Variants in STXBP5L observed in about 807,000 individuals in gnomAD.
STXBP5L encodes the protein syntaxin-binding protein 5-like.
In STXBP5L, 65 loss-of-function variants were observed where a neutral mutation model predicts 144.5. The ratio of observed to expected loss-of-function variants is 0.45; its 90% CI spans 0.37 to 0.55. STXBP5L has a LOEUF of 0.55. STXBP5L is among the 20% of genes least tolerant of loss of function. The probability of loss-of-function intolerance (pLI) is 0.00; values close to 1 mark genes in which losing one functional copy is unlikely to be tolerated. For synonymous variants in STXBP5L, 505 were observed against 469.6 expected (o/e 1.08, Z -0.97); for missense variants, 1,298 against 1,405.5 (o/e 0.92, Z 1.22).
chr3:120,993,261 G>A (rs536867068), intron 3 of STXBP5L, among the ~76,000 whole-genome samples: 1 of 152,160 alleles, frequency 6.6e-6, no homozygotes, highest in East Asian at 1.9e-4. Context: ...TGAACAGGTA[G>A]CCTCTTCACT....
At chr3:121,019,619 A>T (rs1340574710) in intron 3 of STXBP5L, among the ~76,000 whole-genome samples, 1 of 152,146 alleles carries the variant, frequency 6.6e-6, no homozygotes, top group African/African-American at 2.4e-5. Flanking sequence ...CTCCCCACCC[A>T]GTACCAGCCC....
chr3:121,083,174 G>A (rs1237976465), intron 5 of STXBP5L, among the ~76,000 whole-genome samples: 2 of 151,744 alleles, frequency 1.3e-5, no homozygotes, highest in Non-Finnish European at 2.9e-5. Context: ...ACTCCAGCCT[G>A]GCAACAGAGC....
intron 3 of STXBP5L, among the ~76,000 whole-genome samples, chr3:121,032,459 A>C (rs989926353): frequency 6.6e-6 from 1 of 152,140 alleles, no homozygotes; most frequent in Non-Finnish European, 1.5e-5. Flanking sequence ...TGTGTTTTTC[A>C]TAAAAACCCT....
intron 3 of STXBP5L, among the ~76,000 whole-genome samples, chr3:120,994,877 A>G (rs376973447): frequency 3.4e-4 from 52 of 152,068 alleles, no homozygotes; most frequent in African/African-American, 1.2e-3. Flanking sequence ...CATTTGGTAG[A>G]ACTTGGCAGT....
intron 3 of STXBP5L, among the ~76,000 whole-genome samples, chr3:121,024,047 C>T (rs890136865): frequency 1.3e-5 from 2 of 151,950 alleles, no homozygotes; most frequent in African/African-American, 2.4e-5. Flanking sequence ...CATGAGCCAC[C>T]GTGCCTGGCC....
intron 5 of STXBP5L, among the ~76,000 whole-genome samples, chr3:121,068,255 G>T (rs1212124668): frequency 1.3e-5 from 2 of 152,230 alleles, no homozygotes; most frequent in Admixed American, 6.5e-5. Flanking sequence ...AGATCTGCCT[G>T]CCTCGGCCTC....
chr3:121,324,659 G>C (rs762601816), intron 20 of STXBP5L: 9 of 605,284 alleles, frequency 1.5e-5, no homozygotes, highest in African/African-American at 7.5e-5. Context: ...TTCACAACTT[G>C]TCTCAAAACT....
chr3:120,982,577 A>G (rs1022278440), intron 3 of STXBP5L, among the ~76,000 whole-genome samples: 1 of 152,216 alleles, frequency 6.6e-6, no homozygotes, highest in Non-Finnish European at 1.5e-5. Flanking sequence ...AGGGCTGCAG[A>G]AAATTCCTGT....
intron 5 of STXBP5L, among the ~76,000 whole-genome samples, chr3:121,074,097 G>A (rs1303113824): frequency 6.6e-6 from 1 of 152,174 alleles, no homozygotes; most frequent in African/African-American, 2.4e-5. Flanking sequence ...AAAGCCTTCA[G>A]GTCTGTCTAG....
intron 3 of STXBP5L, among the ~76,000 whole-genome samples, chr3:121,007,070 G>T (rs560259500): frequency 6.6e-6 from 1 of 152,186 alleles, no homozygotes; most frequent in African/African-American, 2.4e-5. Context: ...GGCGTTCTCT[G>T]TATTTCCTGA....
chr3:121,242,047 C>T (rs1327610698), intron 14 of STXBP5L, among the ~76,000 whole-genome samples: 2 of 152,026 alleles, frequency 1.3e-5, no homozygotes, highest in African/African-American at 4.8e-5. Flanking sequence ...ATGAAAATAT[C>T]CTTCAAGAAT....
At chr3:120,978,532 T>C (rs1007401861) in intron 3 of STXBP5L, among the ~76,000 whole-genome samples, 1 of 152,218 alleles carries the variant, frequency 6.6e-6, no homozygotes, top group Non-Finnish European at 1.5e-5. Flanking sequence ...TCTGAAGCCT[T>C]CTTCTCTCAA....
intron 2 of STXBP5L, among the ~76,000 whole-genome samples, chr3:120,929,197 C>T (rs1006632189): frequency 2.0e-5 from 3 of 152,030 alleles, no homozygotes; most frequent in Non-Finnish European, 4.4e-5. Context: ...TAGTCATTGG[C>T]CATTTCCTGA....
chr3:121,006,678 G>A (rs2108092759), intron 3 of STXBP5L, among the ~76,000 whole-genome samples: 1 of 152,298 alleles, frequency 6.6e-6, no homozygotes, highest in Non-Finnish European at 1.5e-5. Context: ...TGTTTTTGCA[G>A]TGGCTGGTGC....
chr3:121,241,698 A>G (rs946334921), intron 14 of STXBP5L, among the ~76,000 whole-genome samples: 7 of 152,312 alleles, frequency 4.6e-5, no homozygotes, highest in Non-Finnish European at 7.3e-5. Flanking sequence ...ATAAATGAGG[A>G]AGGAAGAGAA....
intron 5 of STXBP5L, among the ~76,000 whole-genome samples, chr3:121,064,695 A>T (rs2041457454): frequency 1.3e-5 from 2 of 152,096 alleles, no homozygotes; most frequent in African/African-American, 4.8e-5. Flanking sequence ...GATGTTCCAC[A>T]TTTTTTTAGG....
At chr3:120,932,472 A>G (rs1462491976) in intron 2 of STXBP5L, among the ~76,000 whole-genome samples, 1 of 152,182 alleles carries the variant, frequency 6.6e-6, no homozygotes, top group Non-Finnish European at 1.5e-5. Context: ...CAACCCAGCA[A>G]ATCGCTTTAG....
At position 121,421,113 on chromosome 3, in the gene STXBP5L, C is replaced by T. The variant is rs1187216389; in HGVS notation, c.*2016C>T. On this transcript the variant is annotated 3_prime_UTR_variant, in exon 27 of 27. Coordinates refer to ENST00000471454, the MANE Select transcript of STXBP5L (RefSeq NM_001308330.2). ...ACTTAAGAGTAGGATCTAGAAAATACTAGTGGCCAAATTGCAATGTATTCT... is the reference window on the plus strand; with the variant it reads ...ACTTAAGAGTAGGATCTAGAAAATATTAGTGGCCAAATTGCAATGTATTCT... 1 of 151,946 alleles carries T rather than the reference C, an allele frequency of 6.6e-6. No homozygotes were observed. Among genetic ancestry groups the T allele is most frequent in the African/African-American group, 2.4e-5 (1 of 41,366 alleles). The allele number at this position is 151,946 out of a possible 1,614,324, so 9.4% of individuals were successfully genotyped here.
chr3:121,346,759 A>C (rs2045006910), intron 20 of STXBP5L, among the ~76,000 whole-genome samples: 1 of 152,182 alleles, frequency 6.6e-6, no homozygotes, highest in Non-Finnish European at 1.5e-5. Flanking sequence ...TCTTTTGAGA[A>C]GTGTCTGTTC....
Sources: gnomAD v4.1 joint callset for allele counts (sites outside exome capture counted in the v4.1 genomes callset) on GRCh38, gnomAD v4.1.1 for gene constraint, MANE v1.5 for transcripts, NCBI Gene and HGNC (gene_info 2026-07-23, HGNC 2026-07-21) for gene names.